The following PRDM2 variants were observed in gnomAD, a reference collection of about 807,000 sequenced individuals.
PRDM2 encodes PR/SET domain 2.
In PRDM2, 30 loss-of-function variants were observed where a neutral mutation model predicts 130.0. The ratio of observed to expected loss-of-function variants is 0.23; its 90% CI spans 0.17 to 0.31. PRDM2 has a LOEUF of 0.31. Ranked by LOEUF, PRDM2 falls within the 10% of genes least tolerant of loss-of-function variation. The pLI is 1.00. For missense variants in PRDM2, 2,011 were observed against 2,108.4 expected, an observed-to-expected ratio of 0.95 and a Z score of 0.90; for synonymous variants, 871 against 782.4, an observed-to-expected ratio of 1.11 and a Z score of -1.89.
At chr1:13,798,311 A>G (rs1644954132) in intron 8 of PRDM2, among the ~76,000 whole-genome samples, 1 of 152,236 alleles carries the variant, frequency 6.6e-6, no homozygotes, top group Non-Finnish European at 1.5e-5. Context: ...GGGGCAATTA[A>G]CTGCTGGTGA....
intron 7 of PRDM2, among the ~76,000 whole-genome samples, chr1:13,776,532 C>T (rs1644479168): frequency 6.6e-6 from 1 of 152,184 alleles, no homozygotes; most frequent in African/African-American, 2.4e-5. Context: ...TTTTTCTTTA[C>T]AGGTAAACTT....
At chr1:13,725,241 A>G (rs948239537) in intron 2 of PRDM2, among the ~76,000 whole-genome samples, 3 of 152,060 alleles carry the variant, frequency 2.0e-5, no homozygotes, top group African/African-American at 7.2e-5. Context: ...GTCTTGCTCT[A>G]TCCCCCGGGC....
intron 1 of PRDM2, among the ~76,000 whole-genome samples, chr1:13,712,053 C>CAAAAAAAAAAA (rs5772549): frequency 1.2e-5 from 1 of 83,888 alleles, no homozygotes; most frequent in African/African-American, 4.4e-5. Context: ...CATCTCTACC[C>CAAAAAAAAAAA]AAAAAAAAAA....
chr1:13,725,064 G>A (rs1642867444), intron 2 of PRDM2, among the ~76,000 whole-genome samples: 1 of 152,116 alleles, frequency 6.6e-6, no homozygotes, highest in Non-Finnish European at 1.5e-5. Context: ...GACTGGAGGC[G>A]GTCTTAGTGC....
chr1:13,823,392 G>T lies in PRDM2; in HGVS notation c.*257G>T. ...GGGGGCCGACTCCACGCTGTCCTTT[G>T]GGATGATACTTGGATGCAGCTCTTG... On this transcript the variant is annotated 3_prime_UTR_variant, in exon 10 of 10. Coordinates refer to ENST00000311066, the MANE Select transcript of PRDM2 (RefSeq NM_001393986.1). 1.7e-6 allele frequency: 1 copy of T among 605,566 alleles called. No individual in the cohort carries two copies. 37.5% of individuals were successfully genotyped at this position (605,566 alleles called of 1,614,324 possible).
chr1:13,820,643 G>T lies in PRDM2; in HGVS notation c.*24-2516G>T, dbSNP rs145692766. On this transcript the variant is annotated intron_variant, in intron 9 of 9. Transcript: ENST00000311066. ...CCTCTGTGGGCAGGATTTCTGACAT[G>T]CGCTCCCTCCTGGGGTCCTGGGAGT... is the stretch of plus-strand genomic sequence containing the variant. Among the ~76,000 whole-genome samples the T allele has an allele frequency of 3.2e-3, 490 of 152,310 alleles. 3 individuals carry two copies. Among genetic ancestry groups the T allele is most frequent in the African/African-American group, 0.011 (472 of 41,568 alleles).
chr1:13,776,814 G>A (rs1453779817), intron 7 of PRDM2, among the ~76,000 whole-genome samples: 1 of 152,114 alleles, frequency 6.6e-6, no homozygotes, highest in Non-Finnish European at 1.5e-5. Context: ...CTTTCCCCCA[G>A]CCTCAGTCGT....
intron 8 of PRDM2, among the ~76,000 whole-genome samples, chr1:13,815,808 T>C (rs1645247808): frequency 6.6e-6 from 1 of 152,198 alleles, no homozygotes; most frequent in Admixed American, 6.5e-5. Context: ...CCGAAATTCC[T>C]AGATTCACCT....
chr1:13,711,052 TC>T (rs1322872516), intron 1 of PRDM2, among the ~76,000 whole-genome samples: 5 of 147,222 alleles, frequency 3.4e-5, no homozygotes, highest in African/African-American at 1.3e-4. Context: ...GCCACTGCAC[TC>T]CAGCCTGGGC....
At chr1:13,773,374 T>C in intron 7 of PRDM2, 186 bp downstream of exon 7, 1 of 391,058 alleles carries the variant, frequency 2.6e-6, no homozygotes, top group Non-Finnish European at 4.7e-6. Context: ...CTTCAAACAA[T>C]TGTGAAAGAC....
intron 2 of PRDM2, among the ~76,000 whole-genome samples, chr1:13,723,558 T>G (rs757357484): frequency 6.6e-6 from 1 of 152,246 alleles, no homozygotes; most frequent in Non-Finnish European, 1.5e-5. Flanking sequence ...CCTCACTTCC[T>G]GGAGTCTTCC....
intron 8 of PRDM2, chr1:13,787,066 T>C: frequency 2.0e-6 from 2 of 985,534 alleles, no homozygotes; most frequent in Non-Finnish European, 2.4e-6. Flanking sequence ...TTTTGTTGTT[T>C]TCGTTTTTTT....
intron 8 of PRDM2, among the ~76,000 whole-genome samples, chr1:13,801,222 C>A (rs562008531): frequency 1.3e-5 from 2 of 152,304 alleles, no homozygotes; most frequent in African/African-American, 2.4e-5. Flanking sequence ...GTGCAGGAGG[C>A]CACTCTCCTG....
intron 9 of PRDM2, 31 bp from the exon 10 acceptor site, chr1:13,823,128 G>A (rs770794859): frequency 9.4e-6 from 15 of 1,595,516 alleles, no homozygotes; most frequent in South Asian, 3.4e-5. Flanking sequence ...TGTGCTTACT[G>A]TTATTATTTT....
At chr1:13,755,341 A>G (rs1435946004) in intron 6 of PRDM2, among the ~76,000 whole-genome samples, 1 of 152,218 alleles carries the variant, frequency 6.6e-6, no homozygotes, top group Non-Finnish European at 1.5e-5. Flanking sequence ...CCATGATTAA[A>G]AAGTTTTAAA....
At chr1:13,717,495 A>G (rs1369911443) in intron 2 of PRDM2, 22 of 884,746 alleles carry the variant, frequency 2.5e-5, no homozygotes, top group African/African-American at 3.6e-5. Flanking sequence ...GAAATCATTT[A>G]TTTGATATGT....
intron 8 of PRDM2, 79 bp downstream of exon 8, chr1:13,782,910 TTGC>T: frequency 1.3e-6 from 2 of 1,567,864 alleles, no homozygotes; most frequent in Non-Finnish European, 1.7e-6. Flanking sequence ...TGGTTTCTTG[TTGC>T]TTTTTTTTTT....
intron 6 of PRDM2, among the ~76,000 whole-genome samples, chr1:13,762,008 C>T (rs555597768): frequency 6.6e-6 from 1 of 152,198 alleles, no homozygotes; most frequent in South Asian, 2.1e-4. Flanking sequence ...ACGCCATTGT[C>T]TTCATATGAA....
chr1:13,765,611 G>A (rs932673191), intron 6 of PRDM2, among the ~76,000 whole-genome samples: 5 of 152,030 alleles, frequency 3.3e-5, no homozygotes, highest in South Asian at 2.1e-4. Flanking sequence ...AATTACAGGC[G>A]CGGTGGTACC....
Sources: allele counts gnomAD v4.1 joint callset (sites outside exome capture counted in the v4.1 genomes callset), GRCh38; gene constraint gnomAD v4.1.1; transcripts MANE v1.5; gene names NCBI Gene and HGNC (gene_info 2026-07-23, HGNC 2026-07-21).